SBF1: variants seen among roughly 807,000 people sequenced by gnomAD.
The protein encoded by SBF1 is myotubularin-related protein 5.
In SBF1, 65 loss-of-function variants were observed where a neutral mutation model predicts 215.8. That is an observed-to-expected ratio of 0.30 (90% CI 0.25 to 0.37). The LOEUF is 0.37. Ranked by LOEUF, SBF1 falls within the 10% of genes least tolerant of loss-of-function variation. The probability of loss-of-function intolerance (pLI) is 1.00; values close to 1 mark genes in which losing one functional copy is unlikely to be tolerated. For missense variants in SBF1, 2,634 were observed against 2,667.8 expected (o/e 0.99, Z 0.28); for synonymous variants, 1,410 against 1,122.8 (o/e 1.26, Z -5.11).
chr22:50,463,565 C>T, intron 15 of SBF1, 133 bp from the exon 16 acceptor site: 1 of 1,017,810 alleles, frequency 9.8e-7, no homozygotes, highest in Non-Finnish European at 1.4e-6. Context: ...TGGGGCTTTG[C>T]CGACCAATAA....
rs746920755 is a variant in SBF1 at position 50,460,060 on chromosome 22, C to G, written c.3383G>C (p.Arg1128Pro). ...MSSLVERACC[R>P]DYQRLGLGTL... ...GCCCAGACCGAGGCGCTGGTAGTCG[C>G]GACAGCAAGCCCTTTCCACCAGGCT... The change falls in exon 26 of 41, where the codon CGC (arginine) becomes CCC (proline). Residue 1128 changes from arginine to proline, a missense_variant. Physicochemically the swap from Arg to Pro is moderately radical, Grantham distance 103 (BLOSUM62 -2). Coordinates refer to ENST00000380817, the MANE Select transcript of SBF1 (RefSeq NM_002972.4). 6.2e-7 allele frequency: 1 copy of G among 1,613,964 alleles called. No individual in the cohort carries two copies. The highest frequency in any genetic ancestry group is 1.1e-5 in the South Asian group (1 of 91,090).
In SBF1 at chr22:50,464,415, G is replaced by A; in HGVS notation, c.1663C>T (p.Leu555=). The stretch of plus-strand genomic sequence containing the variant: ...AGCCGCCGGGCGCTGTTGACATGCA[G>A]CCCACTGCACCGCTCCAGTATGGCA... ...MTAILERCSG[L]HVNSARRLEV... Residue 555 remains leucine (L), a synonymous_variant, in exon 15 of 41, where the codon CTG becomes TTG. Coordinates refer to ENST00000380817, the MANE Select transcript of SBF1 (RefSeq NM_002972.4). 1.9e-6 allele frequency: 3 copies of A among 1,614,048 alleles called. No individual in the cohort carries two copies. Among genetic ancestry groups the A allele is most frequent in the African/African-American group, 1.3e-5 (1 of 75,078 alleles).
chr22:50,462,089 G>T lies in SBF1; in HGVS notation c.2427C>A (p.Asp809Glu). The T allele has an allele frequency of 6.2e-7, 1 of 1,613,916 alleles. No homozygotes were observed. The highest frequency in any genetic ancestry group is 2.2e-5 in the East Asian group (1 of 44,878). ...CTGCATCCTCGAAGCCGCTCTCCGT[G>T]TCATAGCTCTCGGCCACACTGCCAG... ...SMAGSVAESYDTESGFEDAET... is the reference protein window; with the variant it reads ...SMAGSVAESYETESGFEDAET... The change falls in exon 20 of 41, where the codon GAC becomes GAA. Residue 809 changes from aspartate (D) to glutamate (E), a missense_variant. Coordinates refer to ENST00000380817, the MANE Select transcript of SBF1 (RefSeq NM_002972.4).
intron 1 of SBF1, among the ~76,000 whole-genome samples, chr22:50,469,114 C>T (rs934088234): frequency 2.0e-5 from 3 of 152,174 alleles, no homozygotes; most frequent in South Asian, 2.1e-4. Flanking sequence ...AGCAGCTAGA[C>T]GGGAAGGATG....
chr22:50,450,976 A>G (rs2067022191), intron 36 of SBF1, among the ~76,000 whole-genome samples: 1 of 152,102 alleles, frequency 6.6e-6, no homozygotes, highest in Non-Finnish European at 1.5e-5. Flanking sequence ...CAAGATTTAA[A>G]AGAAAAGATG....
At chr22:50,473,558 C>G (rs890945683) in intron 1 of SBF1, among the ~76,000 whole-genome samples, 1 of 152,108 alleles carries the variant, frequency 6.6e-6, no homozygotes, top group African/African-American at 2.4e-5. Context: ...GGAGTGTGTG[C>G]TGAGTAAGAG....
In SBF1 at chr22:50,454,537, G is replaced by T; in HGVS notation, c.5018C>A (p.Pro1673His). The T allele has an allele frequency of 6.2e-7, 1 of 1,610,656 alleles. No individual in the cohort carries two copies. The highest frequency in any genetic ancestry group is 8.5e-7 in the Non-Finnish European group (1 of 1,179,884). Reference protein sequence around the residue: ...PCYDSCPRAQPDAISRLLEEL... With the variant: ...PCYDSCPRAQHDAISRLLEEL... ...CTCCAGCAGGCGTGAGATGGCGTCA[G>T]GCTGGGCCCGCGGGCAGCTGTCGTA... Residue 1673 changes from proline to histidine, a missense_variant, in exon 36 of 41, where the codon CCT becomes CAT. Pro to His is a moderately conservative substitution (Grantham distance 77). Transcript: ENST00000380817.
At chr22:50,470,729 G>T (rs992915411) in intron 1 of SBF1, among the ~76,000 whole-genome samples, 1 of 152,208 alleles carries the variant, frequency 6.6e-6, no homozygotes, top group Non-Finnish European at 1.5e-5. Context: ...TGTAGAACAC[G>T]TACAGTCGGC....
Position 50,464,698 on chromosome 22 carries a change from C to T in SBF1, c.1472G>A (p.Arg491Lys). 6.2e-7 allele frequency: 1 copy of T among 1,607,634 alleles called. No individual in the cohort carries two copies. Among genetic ancestry groups the T allele is most frequent in the Non-Finnish European group, 8.5e-7 (1 of 1,179,384 alleles). Residue 491 changes from arginine to lysine, a missense_variant, in exon 14 of 41, where the codon AGG becomes AAG. Physicochemically the swap from Arg to Lys is conservative, Grantham distance 26. Coordinates refer to ENST00000380817, the MANE Select transcript of SBF1 (RefSeq NM_002972.4). ...TCGCAGGTGGCTGCTCTCACCGGGC[C>T]TCTGTACCTTGTGCATCGCCACGGC... ...YPAVAMHKVQ[R>K]PGESSHLRRV...
At position 50,447,731 on chromosome 22, in the gene SBF1, G is replaced by A. The variant is rs922756432; in HGVS notation, c.5364-122C>T. On this transcript the variant is annotated intron_variant, in intron 38 of 40. Transcript: ENST00000380817. ...GGTAAGACCAGGCACCCTGTCCCCA[G>A]AACTGACCTAAGCCCAGAGCACTGG... 37 of 703,450 alleles carry A rather than the reference G, an allele frequency of 5.3e-5. 1 individual carries two copies. Among genetic ancestry groups the A allele is most frequent in the Middle Eastern group, 3.9e-4 (1 of 2,596 alleles). The allele number at this position is 703,450 out of a possible 1,614,324, so 43.6% of individuals were successfully genotyped here. A position where few individuals can be genotyped will look rare whatever the true frequency, so the allele number is the denominator to read the frequency against.
intron 1 of SBF1, among the ~76,000 whole-genome samples, chr22:50,471,651 C>T (rs1339045751): frequency 1.3e-5 from 2 of 152,122 alleles, no homozygotes; most frequent in South Asian, 2.1e-4. Flanking sequence ...GCAGGCCATG[C>T]GCAGGGCCCC....
chr22:50,450,447 G>A (rs2067002000), intron 36 of SBF1, among the ~76,000 whole-genome samples: 1 of 152,070 alleles, frequency 6.6e-6, no homozygotes, highest in Admixed American at 6.5e-5. Context: ...CTTGAACATG[G>A]GAAGTGGAGG....
At chr22:50,463,206 C>T in intron 16 of SBF1, 77 bp downstream of exon 16, 2 of 1,571,830 alleles carry the variant, frequency 1.3e-6, no homozygotes, top group South Asian at 1.1e-5. Flanking sequence ...TCCACTCTCA[C>T]TCACAGACCA....
rs747707125 is a variant in SBF1 at position 50,466,497 on chromosome 22, G to A, written c.656-15C>T. 3 of 1,537,788 alleles carry A rather than the reference G, an allele frequency of 2.0e-6. No homozygotes were observed. Among genetic ancestry groups the A allele is most frequent in the Admixed American group, 2.0e-5 (1 of 49,924 alleles). ...GTTGGTGATGCCTAAAGGAAGAAGA[G>A]AAGCTTGGAGAGGACCCTGGGCCCC... On this transcript the variant is annotated splice_polypyrimidine_tract_variant and intron_variant, in intron 6 of 40. Transcript: ENST00000380817.
chr22:50,455,913 T>G (rs1215150634), intron 31 of SBF1: 1 of 545,796 alleles, frequency 1.8e-6, no homozygotes, highest in African/African-American at 1.9e-5. Context: ...CCCGAGAGAA[T>G]GCAGCAGGGG....
chr22:50,472,980 G>C (rs1026345194), intron 1 of SBF1, among the ~76,000 whole-genome samples: 2 of 152,252 alleles, frequency 1.3e-5, no homozygotes, highest in South Asian at 4.1e-4. Context: ...GGAAGGGGGG[G>C]CACCTTGGGC....
Position 50,474,342 on chromosome 22 carries a change from G to C in SBF1, c.55+444C>G, listed in dbSNP as rs1275467643. ...CTTCAGACGGAGCACCAAGGTCAGA[G>C]GCGGGCTGGCGAGCCGCGGGTCCGC... On this transcript the variant is annotated intron_variant, in intron 1 of 40. Coordinates refer to ENST00000380817, the MANE Select transcript of SBF1 (RefSeq NM_002972.4). Among the ~76,000 whole-genome samples, 3 of 152,204 alleles carry C rather than the reference G, an allele frequency of 2.0e-5. No individual in the cohort carries two copies. In the East Asian group the frequency reaches 5.8e-4, roughly 29 times the overall value.
At chr22:50,458,163 G>A (rs2067333112) in intron 28 of SBF1, among the ~76,000 whole-genome samples, 1 of 152,158 alleles carries the variant, frequency 6.6e-6, no homozygotes, top group Admixed American at 6.5e-5. Flanking sequence ...AAATCAGCCG[G>A]GCGCGGTGGC....
At position 50,462,565 on chromosome 22, in the gene SBF1, G is replaced by A. The variant is rs768622629; in HGVS notation, c.2121C>T (p.Pro707=). ...CCAGGGAGTCCCTGCGCACCTGGGC[G>A]GGGGCCAGGTCCTCCGTGGGCTCCA... is the stretch of plus-strand genomic sequence containing the variant. ...LYLEPTEDLA[P]AQEVGEAPSQ... is the part of the protein sequence containing the mutation. Residue 707 remains proline (P), a synonymous_variant, in exon 18 of 41, where the codon CCC becomes CCT. Coordinates refer to ENST00000380817, the MANE Select transcript of SBF1 (RefSeq NM_002972.4). 1.7e-5 allele frequency: 27 copies of A among 1,611,000 alleles called. No individual in the cohort carries two copies. Among genetic ancestry groups the A allele is most frequent in the South Asian group, 6.6e-5 (6 of 90,902 alleles).
Sources: allele counts gnomAD v4.1 joint callset (sites outside exome capture counted in the v4.1 genomes callset), GRCh38; gene constraint gnomAD v4.1.1; transcripts MANE v1.5; gene names NCBI Gene and HGNC (gene_info 2026-07-23, HGNC 2026-07-21).